The following A1CF variants were observed in gnomAD, a reference collection of about 807,000 sequenced individuals.
The protein encoded by A1CF is APOBEC1 complementation factor.
Under a neutral mutation model 68.9 loss-of-function variants are expected in A1CF, and 48 were observed. The observed-to-expected ratio is 0.70, with a 90% CI of 0.55 to 0.89. A1CF has a LOEUF of 0.89. Among genes scored for constraint, A1CF ranks in the 40% least tolerant of loss-of-function variants. A1CF has a pLI of 0.00. For synonymous variants in A1CF, 272 were observed against 260.4 expected, an observed-to-expected ratio of 1.04 and a Z score of -0.43; for missense variants, 653 against 718.9, an observed-to-expected ratio of 0.91 and a Z score of 1.05.
rs747540722 is a variant in A1CF, at chr10:50,806,567, AC to A, written c.*161del. ...GATTTCATTTCAGAATAACGTTCTT[AC>A]TTCATGATTCTATAATTGGTATAAG... On this transcript the variant is annotated 3_prime_UTR_variant, in exon 13 of 13. Transcript: ENST00000373997. 1.2e-5 allele frequency: 6 copies of A among 519,762 alleles called. No individual in the cohort carries two copies. Among genetic ancestry groups the A allele is most frequent in the Non-Finnish European group, 1.8e-5 (6 of 336,558 alleles). The allele number at this position is 519,762 out of a possible 1,614,324, so 32.2% of individuals were successfully genotyped here. A position where few individuals can be genotyped will look rare whatever the true frequency, so the allele number is the denominator to read the frequency against.
chr10:50,871,232 T>C (rs1841253700), intron 1 of A1CF, among the ~76,000 whole-genome samples: 1 of 151,814 alleles, frequency 6.6e-6, no homozygotes. Context: ...AGGAAAATTA[T>C]AAAATAAATG....
Position 50,800,523 on chromosome 10 carries a change from G to C in A1CF, c.*6206C>G, listed in dbSNP as rs1005281437. 5 of 152,118 alleles carry C rather than the reference G, an allele frequency of 3.3e-5. No individual in the cohort carries two copies. Among genetic ancestry groups the C allele is most frequent in the African/African-American group, 1.2e-4 (5 of 41,442 alleles). 9.4% of individuals were successfully genotyped at this position (152,118 alleles called of 1,614,324 possible). A position where few individuals can be genotyped will look rare whatever the true frequency, so the allele number is the denominator to read the frequency against. ...TTTTGAAAAATGCAGAATGGACCAT[G>C]GGACTGTGTGCCCCAATTAAAGAGA... On this transcript the variant is annotated 3_prime_UTR_variant, in exon 13 of 13. Transcript: ENST00000373997.
intron 9 of A1CF, among the ~76,000 whole-genome samples, chr10:50,815,031 A>T (rs1193683620): frequency 2.0e-5 from 3 of 152,212 alleles, no homozygotes; most frequent in Non-Finnish European, 4.4e-5. Flanking sequence ...AGTTATACTG[A>T]AAAGTAGTAA....
At chr10:50,821,538 C>A (rs1412898754) in intron 7 of A1CF, among the ~76,000 whole-genome samples, 1 of 122,448 alleles carries the variant, frequency 8.2e-6, no homozygotes, top group Non-Finnish European at 1.9e-5. Flanking sequence ...AGATTAGAGA[C>A]CTATTTTTTT....
chr10:50,881,309 T>C (rs555916234), intron 1 of A1CF, among the ~76,000 whole-genome samples: 1 of 152,214 alleles, frequency 6.6e-6, no homozygotes, highest in Admixed American at 6.5e-5. Context: ...TCTTAACTGA[T>C]AGGTACATTA....
At chr10:50,852,229 C>G (rs999134073) in intron 3 of A1CF, among the ~76,000 whole-genome samples, 2 of 152,174 alleles carry the variant, frequency 1.3e-5, no homozygotes, top group Non-Finnish European at 2.9e-5. Context: ...TCAAACACTT[C>G]ATATATAGTC....
chr10:50,842,041 G>T (rs1186983137), intron 4 of A1CF, 49 bp from the exon 5 acceptor site: 23 of 1,516,492 alleles, frequency 1.5e-5, no homozygotes, highest in Non-Finnish European at 1.7e-5. Flanking sequence ...TTGTACTTCT[G>T]AATGTATGTG....
intron 7 of A1CF, among the ~76,000 whole-genome samples, chr10:50,825,986 A>G (rs750570872): frequency 6.6e-6 from 1 of 152,102 alleles, no homozygotes; most frequent in South Asian, 2.1e-4. Flanking sequence ...GCTGCTAAAC[A>G]TCCTACAATC....
At chr10:50,830,687 C>T (rs1839194595) in intron 6 of A1CF, among the ~76,000 whole-genome samples, 1 of 152,108 alleles carries the variant, frequency 6.6e-6, no homozygotes. Flanking sequence ...AAAGTCCACG[C>T]TACTCAGAGC....
rs367622538 is a variant in A1CF at position 50,858,823 on chromosome 10, A to C, written c.99+1019T>G. Among the ~76,000 whole-genome samples, 53 of 152,256 alleles carry C rather than the reference A, an allele frequency of 3.5e-4. 2 individuals carry two copies. In the South Asian group the frequency reaches 9.9e-3, roughly 29 times the overall value. On this transcript the variant is annotated intron_variant, in intron 3 of 12. Coordinates refer to ENST00000373997, the MANE Select transcript of A1CF (RefSeq NM_014576.4). ...AATATGTCAGTATCTCCATGGACTT[A>C]AGTGAAACTTCAAAAAGTCAACTAT...
intron 3 of A1CF, among the ~76,000 whole-genome samples, chr10:50,848,479 A>G (rs1223000867): frequency 6.6e-6 from 1 of 152,162 alleles, no homozygotes; most frequent in African/African-American, 2.4e-5. Context: ...TTCCTGCTCA[A>G]CTTCACCAAT....
At chr10:50,865,194 G>A (rs1004942267) in intron 1 of A1CF, among the ~76,000 whole-genome samples, 5 of 152,120 alleles carry the variant, frequency 3.3e-5, no homozygotes, top group Non-Finnish European at 5.9e-5. Context: ...GGGAGGTTGA[G>A]CTTACAGTGA....
chr10:50,881,316 A>G (rs1339289106), intron 1 of A1CF, among the ~76,000 whole-genome samples: 1 of 152,108 alleles, frequency 6.6e-6, no homozygotes, highest in African/African-American at 2.4e-5. Flanking sequence ...TGATAGGTAC[A>G]TTAGTTAATG....
chr10:50,868,275 T>C (rs1841088330), intron 1 of A1CF, among the ~76,000 whole-genome samples: 1 of 152,220 alleles, frequency 6.6e-6, no homozygotes, highest in Non-Finnish European at 1.5e-5. Context: ...GAAGGATTTA[T>C]GACTGAAGTC....
intron 5 of A1CF, among the ~76,000 whole-genome samples, chr10:50,839,843 G>A (rs985505790): frequency 1.4e-4 from 22 of 152,266 alleles, no homozygotes; most frequent in African/African-American, 5.3e-4. Context: ...CACCCTGCCA[G>A]GTTCAAGCAA....
chr10:50,877,731 T>C (rs1161566662), intron 1 of A1CF, among the ~76,000 whole-genome samples: 1 of 152,270 alleles, frequency 6.6e-6, no homozygotes, highest in Non-Finnish European at 1.5e-5. Context: ...TCTGTATTTC[T>C]CTTTTACTTC....
chr10:50,854,708 A>G (rs1032431384), intron 3 of A1CF, among the ~76,000 whole-genome samples: 1 of 151,946 alleles, frequency 6.6e-6, no homozygotes, highest in Non-Finnish European at 1.5e-5. Flanking sequence ...TTTATACTCT[A>G]TAATCCCGAG....
In A1CF at chr10:50,819,457, C is replaced by T. The variant is rs114170098; in HGVS notation, c.867+1095G>A. 7.2e-3 allele frequency among the ~76,000 whole-genome samples: 1,091 copies of T among 152,262 alleles called. 22 individuals carry two copies. Among genetic ancestry groups the T allele is most frequent in the African/African-American group, 0.025 (1,036 of 41,554 alleles). ...AAAGAGATCTGCTCTACACAATTCT[C>T]TCCCCTTTCAGGATTTCTATTAATT... On this transcript the variant is annotated intron_variant, in intron 8 of 12. Transcript: ENST00000373997.
At chr10:50,819,539 C>CT (rs986181248) in intron 8 of A1CF, among the ~76,000 whole-genome samples, 2 of 152,198 alleles carry the variant, frequency 1.3e-5, no homozygotes, top group Admixed American at 1.3e-4. Context: ...TTCTGACACT[C>CT]TTTTTTGATT....
Sources: allele counts gnomAD v4.1 joint callset (sites outside exome capture counted in the v4.1 genomes callset), GRCh38; gene constraint gnomAD v4.1.1; transcripts MANE v1.5; gene names NCBI Gene and HGNC (gene_info 2026-07-23, HGNC 2026-07-21).